Variants in TRPM8 observed in about 807,000 individuals in gnomAD.
The protein encoded by TRPM8 is TRPM8 cationic channel.
A neutral mutation model predicts 133.7 loss-of-function variants in TRPM8; 110 were observed. That is an observed-to-expected ratio of 0.82 (90% CI 0.70 to 0.96). TRPM8 has a LOEUF of 0.96. TRPM8 is among the 40% of genes least tolerant of loss of function. The probability of loss-of-function intolerance (pLI) is 0.00; values close to 1 mark genes in which losing one functional copy is unlikely to be tolerated. For synonymous variants in TRPM8, 535 were observed against 532.3 expected, an observed-to-expected ratio of 1.01 and a Z score of -0.07; for missense variants, 1,291 against 1,379.5, an observed-to-expected ratio of 0.94 and a Z score of 1.02.
intron 5 of TRPM8, among the ~76,000 whole-genome samples, chr2:233,940,579 G>T (rs1690881352): frequency 6.6e-6 from 1 of 152,222 alleles, no homozygotes; most frequent in African/African-American, 2.4e-5. Context: ...TGCAGATGAA[G>T]TGAAGTGATT....
At chr2:233,942,922 T>C in intron 6 of TRPM8, 174 bp downstream of exon 6, 2 of 666,626 alleles carry the variant, frequency 3.0e-6, no homozygotes, top group Non-Finnish European at 5.3e-6. Context: ...ATGACGTACC[T>C]AATTAACTGC....
At chr2:233,971,826 T>C (rs1691729633) in intron 17 of TRPM8, among the ~76,000 whole-genome samples, 1 of 152,008 alleles carries the variant, frequency 6.6e-6, no homozygotes, top group Admixed American at 6.5e-5. Flanking sequence ...GAACAAAGCT[T>C]CCACACTGTG....
chr2:233,939,112 T>G lies in TRPM8; in HGVS notation c.463T>G (p.Phe155Val), dbSNP rs756118203. The G allele has an allele frequency of 1.9e-6, 3 of 1,614,140 alleles. No homozygotes were observed. Among genetic ancestry groups the G allele is most frequent in the East Asian group, 2.2e-5 (1 of 44,868 alleles). ...TTCTGTGACCGGGGGCGCCAAGAAC[T>G]TCGCCCTGAAGCCGCGCATGCGCAA... ...VISVTGGAKN[F>V]ALKPRMRKIF... The change falls in exon 5 of 26, where the codon TTC (phenylalanine) becomes GTC (valine). Residue 155 changes from phenylalanine to valine, a missense_variant. Transcript: ENST00000324695.
At chr2:233,946,667 T>C (rs1024082808) in intron 7 of TRPM8, among the ~76,000 whole-genome samples, 2 of 152,190 alleles carry the variant, frequency 1.3e-5, no homozygotes, top group Admixed American at 1.3e-4. Context: ...CCTTTCACAA[T>C]TGGACATACA....
At chr2:233,925,719 C>T (rs892986744) in intron 1 of TRPM8, among the ~76,000 whole-genome samples, 18 of 151,974 alleles carry the variant, frequency 1.2e-4, no homozygotes, top group Non-Finnish European at 2.1e-4. Flanking sequence ...CAGGGAGACA[C>T]GGTATGCAGG....
At chr2:233,982,178 C>T (rs1006291474) in intron 19 of TRPM8, among the ~76,000 whole-genome samples, 1 of 152,138 alleles carries the variant, frequency 6.6e-6, no homozygotes, top group Non-Finnish European at 1.5e-5. Context: ...AAGTTACTTT[C>T]ATTTGAGTCT....
intron 18 of TRPM8, 54 bp from the exon 19 acceptor site, chr2:233,981,720 C>G (rs1328499031): frequency 1.3e-6 from 2 of 1,538,142 alleles, no homozygotes; most frequent in Admixed American, 2.1e-5. Context: ...AGAAACAAAA[C>G]TTTGGAATGT....
At chr2:233,923,637 C>T (rs1357016223) in intron 1 of TRPM8, among the ~76,000 whole-genome samples, 4 of 152,218 alleles carry the variant, frequency 2.6e-5, no homozygotes, top group Non-Finnish European at 5.9e-5. Context: ...GTCTTTGCCA[C>T]ACTTGATTAG....
intron 1 of TRPM8, among the ~76,000 whole-genome samples, chr2:233,920,366 A>T (rs1182711266): frequency 3.3e-5 from 5 of 152,214 alleles, no homozygotes; most frequent in Non-Finnish European, 7.3e-5. Context: ...AATTTTTGAG[A>T]GTAAAGACCA....
intron 9 of TRPM8, among the ~76,000 whole-genome samples, chr2:233,950,463 C>T (rs1026326296): frequency 6.6e-6 from 1 of 152,166 alleles, no homozygotes; most frequent in Non-Finnish European, 1.5e-5. Flanking sequence ...ACACAAGAAT[C>T]TGACAAAAAG....
At chr2:233,991,330 A>G (rs568740465) in intron 21 of TRPM8, among the ~76,000 whole-genome samples, 1 of 152,326 alleles carries the variant, frequency 6.6e-6, no homozygotes, top group East Asian at 1.9e-4. Context: ...GTGTGATCCA[A>G]TCGCTTGTCA....
At chr2:234,001,887 T>A (rs1013139739) in intron 22 of TRPM8, among the ~76,000 whole-genome samples, 3 of 151,980 alleles carry the variant, frequency 2.0e-5, no homozygotes, top group Non-Finnish European at 4.4e-5. Context: ...ATTCAACAAA[T>A]ATGTGCCAAG....
chr2:233,998,975 G>A (rs1049540876), intron 22 of TRPM8, among the ~76,000 whole-genome samples: 8 of 152,152 alleles, frequency 5.3e-5, no homozygotes, highest in Admixed American at 2.6e-4. Context: ...GTTGGACCAC[G>A]CTTTGGTACC....
chr2:233,981,309 T>A (rs992587549), intron 18 of TRPM8, among the ~76,000 whole-genome samples: 2 of 152,162 alleles, frequency 1.3e-5, no homozygotes, highest in African/African-American at 2.4e-5. Flanking sequence ...AAAGCACAGA[T>A]GGCTTTCAAT....
chr2:233,954,580 T>C (rs1691246901), intron 10 of TRPM8, among the ~76,000 whole-genome samples: 2 of 152,206 alleles, frequency 1.3e-5, no homozygotes, highest in Non-Finnish European at 2.9e-5. Flanking sequence ...GACTGATAAA[T>C]ATAAATTAGC....
rs1690935494 is a variant in TRPM8, at chr2:233,942,561, C to T, written c.527-15C>T. The T allele has an allele frequency of 6.2e-7, 1 of 1,613,926 alleles. No homozygotes were observed. Among genetic ancestry groups the T allele is most frequent in the African/African-American group, 1.3e-5 (1 of 74,894 alleles). ...CAGTGCCACTTGACCATTTACTCTT[C>T]CTATTTGTTGACAGGTGCTTGGATT... On this transcript the variant is annotated splice_polypyrimidine_tract_variant and intron_variant, in intron 5 of 25. Coordinates refer to ENST00000324695, the MANE Select transcript of TRPM8 (RefSeq NM_024080.5).
chr2:233,938,427 T>G (rs578254992), intron 4 of TRPM8, among the ~76,000 whole-genome samples: 4 of 152,240 alleles, frequency 2.6e-5, no homozygotes, highest in Non-Finnish European at 5.9e-5. Flanking sequence ...TGAGGAGGGA[T>G]GCCCGTGGCA....
intron 22 of TRPM8, among the ~76,000 whole-genome samples, chr2:234,001,296 G>T (rs1027141372): frequency 6.6e-6 from 1 of 152,126 alleles, no homozygotes; most frequent in Non-Finnish European, 1.5e-5. Flanking sequence ...TGATTGTGTG[G>T]TTTTTCTTCA....
At chr2:233,931,522 A>G (rs1319035248) in intron 3 of TRPM8, among the ~76,000 whole-genome samples, 1 of 152,218 alleles carries the variant, frequency 6.6e-6, no homozygotes, top group Non-Finnish European at 1.5e-5. Context: ...AAGCTTTAGA[A>G]CCAGCTTTGG....
Sources: gnomAD v4.1 joint callset for allele counts (sites outside exome capture counted in the v4.1 genomes callset) on GRCh38, gnomAD v4.1.1 for gene constraint, MANE v1.5 for transcripts, NCBI Gene and HGNC (gene_info 2026-07-23, HGNC 2026-07-21) for gene names.